SPATA6: variants seen among roughly 807,000 people sequenced by gnomAD.
The protein encoded by SPATA6 is spermatogenesis associated 6, also known as spermatogenesis-associated protein 6.
Under a neutral mutation model 65.3 loss-of-function variants are expected in SPATA6, and 56 were observed. The ratio of observed to expected loss-of-function variants is 0.86; its 90% CI spans 0.69 to 1.07. The LOEUF (loss-of-function observed/expected upper bound fraction) is 1.07, where lower values mean the gene tolerates loss of function less well. SPATA6 is among the 50% of genes least tolerant of loss of function. The pLI is 0.00. For missense variants in SPATA6, 590 were observed against 594.8 expected, an observed-to-expected ratio of 0.99 and a Z score of 0.08; for synonymous variants, 199 against 213.2, an observed-to-expected ratio of 0.93 and a Z score of 0.58.
chr1:48,366,949 C>T (rs1318987631), intron 9 of SPATA6, among the ~76,000 whole-genome samples: 1 of 152,090 alleles, frequency 6.6e-6, no homozygotes, highest in Non-Finnish European at 1.5e-5. Context: ...ATAAATTTCC[C>T]TCTACACACT....
chr1:48,408,992 C>G (rs1262095928), intron 5 of SPATA6, among the ~76,000 whole-genome samples: 2 of 152,068 alleles, frequency 1.3e-5, no homozygotes, highest in Non-Finnish European at 2.9e-5. Context: ...CTCTTATCTT[C>G]ACATTTCAAA....
intron 9 of SPATA6, among the ~76,000 whole-genome samples, chr1:48,367,367 C>T (rs1327107607): frequency 6.6e-6 from 1 of 152,148 alleles, no homozygotes; most frequent in African/African-American, 2.4e-5. Flanking sequence ...CTTTCTGTCT[C>T]GTTAATCTGT....
chr1:48,330,126 C>T (rs1167094345), intron 11 of SPATA6, among the ~76,000 whole-genome samples: 2 of 152,192 alleles, frequency 1.3e-5, no homozygotes, highest in African/African-American at 2.4e-5. Context: ...GCCCAGCAGC[C>T]GTACTTTGGT....
chr1:48,426,635 GA>G (rs570123294), intron 3 of SPATA6, among the ~76,000 whole-genome samples: 398 of 148,838 alleles, frequency 2.7e-3, no homozygotes, highest in Non-Finnish European at 4.3e-3. Flanking sequence ...TAAGAGATAA[GA>G]AAAAAAAAAT....
In SPATA6 at chr1:48,439,337, T is replaced by C. The variant is rs183698005; in HGVS notation, c.238+12215A>G. Among the ~76,000 whole-genome samples the C allele has an allele frequency of 3.1e-4, 47 of 152,308 alleles. No individual in the cohort carries two copies. The Middle Eastern group carries it at 0.01, about 33-fold the overall frequency. ...AAAACTAGTGTTTCTGCTGCTGCGA[T>C]GCTGAGCGCAACTTTTCCAATCAGC... On this transcript the variant is annotated intron_variant, in intron 3 of 12. Transcript: ENST00000371847.
At chr1:48,403,908 T>A in intron 5 of SPATA6, 26 bp from the exon 6 acceptor site, 1 of 1,508,934 alleles carries the variant, frequency 6.6e-7, no homozygotes, top group Non-Finnish European at 9.1e-7. Flanking sequence ...AGGGTATTAT[T>A]ACACATTTCC....
intron 1 of SPATA6, among the ~76,000 whole-genome samples, chr1:48,457,385 T>A (rs1296049138): frequency 6.7e-6 from 1 of 150,338 alleles, no homozygotes; most frequent in African/African-American, 2.5e-5. Flanking sequence ...TGAGACAAGA[T>A]CACACCACTG....
At chr1:48,287,264 GA>G in the SPATA6 span, among the ~76,000 whole-genome samples, 1 of 152,074 alleles carries the variant, frequency 6.6e-6, no homozygotes, top group African/African-American at 2.4e-5. Flanking sequence ...CTATCACAGG[GA>G]TAGTGCCATG....
chr1:48,327,689 A>T (rs932796203), intron 11 of SPATA6, among the ~76,000 whole-genome samples: 16 of 152,278 alleles, frequency 1.1e-4, no homozygotes, highest in African/African-American at 3.8e-4. Context: ...AGATAGGCCA[A>T]TGTCCTAAAT....
intron 9 of SPATA6, among the ~76,000 whole-genome samples, chr1:48,384,219 G>T (rs1165975790): frequency 7.0e-6 from 1 of 143,676 alleles, no homozygotes; most frequent in Non-Finnish European, 1.5e-5. Flanking sequence ...GCCTGCAATC[G>T]CAGGCACTCG....
intron 12 of SPATA6, 126 bp from the exon 13 acceptor site, chr1:48,299,019 A>C (rs1644867073): frequency 4.4e-6 from 4 of 914,330 alleles, no homozygotes; most frequent in Non-Finnish European, 6.2e-6. Context: ...GTGAAAAATA[A>C]AACAGAGTAA....
chr1:48,405,210 A>G (rs1371902475), intron 5 of SPATA6, among the ~76,000 whole-genome samples: 3 of 152,320 alleles, frequency 2.0e-5, no homozygotes, highest in African/African-American at 7.2e-5. Flanking sequence ...ACACTCAAGA[A>G]GAGTAGTTAG....
intron 3 of SPATA6, among the ~76,000 whole-genome samples, chr1:48,415,069 T>G (rs1652629003): frequency 6.6e-6 from 1 of 151,586 alleles, no homozygotes; most frequent in Non-Finnish European, 1.5e-5. Context: ...TATTCAGGAA[T>G]AGGGCACTGA....
chr1:48,343,618 C>G (rs907259400), intron 11 of SPATA6, among the ~76,000 whole-genome samples: 5 of 152,166 alleles, frequency 3.3e-5, no homozygotes, highest in African/African-American at 9.6e-5. Context: ...AATATGACTT[C>G]TGAAATAAAA....
intron 9 of SPATA6, among the ~76,000 whole-genome samples, chr1:48,369,689 T>C (rs1379417190): frequency 6.6e-6 from 1 of 152,224 alleles, no homozygotes; most frequent in Non-Finnish European, 1.5e-5. Context: ...CACCCCTTTC[T>C]TTGATTAGGA....
At chr1:48,406,816 A>G (rs1651754948) in intron 5 of SPATA6, among the ~76,000 whole-genome samples, 1 of 152,184 alleles carries the variant, frequency 6.6e-6, no homozygotes, top group South Asian at 2.1e-4. Flanking sequence ...TCGCCATGTT[A>G]TGGTGCTTTG....
chr1:48,326,819 A>T (rs1353208109), intron 11 of SPATA6, among the ~76,000 whole-genome samples: 2 of 152,120 alleles, frequency 1.3e-5, no homozygotes, highest in East Asian at 3.8e-4. Context: ...TTAAACTCGG[A>T]CCCTTATCTC....
At chr1:48,434,408 TCA>T in intron 3 of SPATA6, among the ~76,000 whole-genome samples, 1 of 152,186 alleles carries the variant, frequency 6.6e-6, no homozygotes, top group East Asian at 1.9e-4. Flanking sequence ...TGGTACCTTT[TCA>T]CACATTTTGT....
chr1:48,441,234 C>T (rs1411979972), intron 3 of SPATA6, among the ~76,000 whole-genome samples: 1 of 152,154 alleles, frequency 6.6e-6, no homozygotes, highest in Non-Finnish European at 1.5e-5. Flanking sequence ...CTCACTGAGC[C>T]CCGGGTATGT....
Sources: gnomAD v4.1 joint callset for allele counts (sites outside exome capture counted in the v4.1 genomes callset) on GRCh38, gnomAD v4.1.1 for gene constraint, MANE v1.5 for transcripts, NCBI Gene and HGNC (gene_info 2026-07-23, HGNC 2026-07-21) for gene names.